SBNO2: variants seen among roughly 807,000 people sequenced by gnomAD.
SBNO2 encodes protein strawberry notch homolog 2.
In SBNO2, 89 loss-of-function variants were observed where a neutral mutation model predicts 146.3. That is an observed-to-expected ratio of 0.61 (90% CI 0.51 to 0.73). The LOEUF (loss-of-function observed/expected upper bound fraction) is 0.73. Ranked by LOEUF, SBNO2 falls within the 30% of genes least tolerant of loss-of-function variation. The probability of loss-of-function intolerance (pLI) is 0.00; values close to 1 mark genes in which losing one functional copy is unlikely to be tolerated. For synonymous variants in SBNO2, 1,147 were observed against 892.6 expected, an observed-to-expected ratio of 1.29 and a Z score of -5.08; for missense variants, 2,092 against 2,003.7, an observed-to-expected ratio of 1.04 and a Z score of -0.84.
chr19:1,129,750 C>A (rs371154354), intron 4 of SBNO2, among the ~76,000 whole-genome samples: 5 of 152,182 alleles, frequency 3.3e-5, no homozygotes, highest in Non-Finnish European at 7.4e-5. Flanking sequence ...GAGTTGCTAT[C>A]GGGCCCAGAA....
chr19:1,121,017 G>A (rs760461531), intron 11 of SBNO2, among the ~76,000 whole-genome samples: 2 of 152,014 alleles, frequency 1.3e-5, no homozygotes, highest in Non-Finnish European at 2.9e-5. Context: ...TCAGCCTCCC[G>A]GGTAGCTGGG....
rs542176105 is a variant in SBNO2, at chr19:1,125,808, A to G, written c.442-1786T>C. Among the ~76,000 whole-genome samples the G allele has an allele frequency of 7.6e-4, 116 of 152,210 alleles. 1 individual carries two copies. The highest frequency in any genetic ancestry group is 1.6e-3 in the Non-Finnish European group (108 of 68,036). ...CCAGGGTTCCAGACCAGCCTGGACA[A>G]CATGATAAAATCCTATCTCTACAAA... On this transcript the variant is annotated intron_variant, in intron 5 of 31. Transcript: ENST00000361757.
In SBNO2 at chr19:1,123,040, T is replaced by C. The variant is rs2079922312; in HGVS notation, c.634A>G (p.Ile212Val). The change falls in exon 8 of 32, where the codon ATC (isoleucine) becomes GTC (valine). Residue 212 changes from isoleucine to valine, a missense_variant. Coordinates refer to ENST00000361757, the MANE Select transcript of SBNO2 (RefSeq NM_014963.3). ...YADYVPSKSK[I>V]GKQHPDRVVE... is the part of the protein sequence containing the mutation. Reference sequence around the variant, plus strand: ...ACGCGGTCTGGGTGCTGCTTCCCGATCTTGGCTGGAGGAGCAAGGACGGAG... The same window carrying C: ...ACGCGGTCTGGGTGCTGCTTCCCGACCTTGGCTGGAGGAGCAAGGACGGAG... 6.3e-7 allele frequency: 1 copy of C among 1,592,878 alleles called. No homozygotes were observed. Among genetic ancestry groups the C allele is most frequent in the Non-Finnish European group, 8.5e-7 (1 of 1,170,220 alleles).
chr19:1,142,444 A>T (rs2080150102), intron 4 of SBNO2, among the ~76,000 whole-genome samples: 1 of 152,240 alleles, frequency 6.6e-6, no homozygotes, highest in South Asian at 2.1e-4. Flanking sequence ...GTGTATCAAT[A>T]GTTACCAGGC....
chr19:1,156,055 G>A (rs1224283440), intron 1 of SBNO2, among the ~76,000 whole-genome samples: 1 of 152,146 alleles, frequency 6.6e-6, no homozygotes, highest in African/African-American at 2.4e-5. Flanking sequence ...TTGGGGAGGG[G>A]GCACCTTGGG....
rs971962909 is a variant in SBNO2, at chr19:1,140,580, T to C, written c.279+6729A>G. On this transcript the variant is annotated intron_variant, in intron 4 of 31. Transcript: ENST00000361757. This position sits in a 1 kb window ranked among gnomAD's most constrained non-coding sequence, Gnocchi z 4.4. ...ACGGTGGATGCCAGCAGCGGCATCC[T>C]GGCGCAGCGTGAGCCCCAGGGGTGG... 2.4e-4 allele frequency among the ~76,000 whole-genome samples: 35 copies of C among 145,426 alleles called. No homozygotes were observed. Among genetic ancestry groups the C allele is most frequent in the African/African-American group, 8.6e-4 (34 of 39,478 alleles).
chr19:1,149,534 G>A, intron 2 of SBNO2, 92 bp from the exon 3 acceptor site: 2 of 1,192,672 alleles, frequency 1.7e-6, no homozygotes, highest in Non-Finnish European at 1.2e-6. Flanking sequence ...AGGCCGAGAG[G>A]CTAGGGAGGC....
intron 11 of SBNO2, among the ~76,000 whole-genome samples, chr19:1,121,298 G>C (rs995886785): frequency 6.6e-6 from 1 of 152,230 alleles, no homozygotes; most frequent in African/African-American, 2.4e-5. Context: ...CCACGTAGCA[G>C]CTCAGCGAGG....
rs2079827909 is a variant in SBNO2 at position 1,116,007 on chromosome 19, G to A, written c.1885+14C>T. 6.2e-6 allele frequency: 10 copies of A among 1,603,838 alleles called. No homozygotes were observed. Among genetic ancestry groups the A allele is most frequent in the Non-Finnish European group, 8.5e-6 (10 of 1,176,572 alleles). On this transcript the variant is annotated intron_variant, in intron 17 of 31. Coordinates refer to ENST00000361757, the MANE Select transcript of SBNO2 (RefSeq NM_014963.3). ...GGGGCAGGGGTGGGTGGGGCCATGG[G>A]GGGCAGGGCTTACGTTTCCGCTTGC...
chr19:1,126,698 C>A lies in SBNO2; in HGVS notation c.441+906G>T, dbSNP rs914143670. ...AGAGCGGCCTATGGGTGTGAGCCCA[C>A]CACTGTGCCGGGAGCGTGCGGAGGC... On this transcript the variant is annotated intron_variant, in intron 5 of 31. Transcript: ENST00000361757. The surrounding 1 kb of genome is among the most constrained non-coding windows in gnomAD (Gnocchi z 4.4). Among the ~76,000 whole-genome samples, 1 of 152,220 alleles carries A rather than the reference C, an allele frequency of 6.6e-6. No homozygotes were observed. The highest frequency in any genetic ancestry group is 2.1e-4 in the South Asian group (1 of 4,836).
intron 1 of SBNO2, among the ~76,000 whole-genome samples, chr19:1,164,644 G>A (rs1361613968): frequency 1.5e-5 from 2 of 129,360 alleles, no homozygotes; most frequent in Non-Finnish European, 3.4e-5. Flanking sequence ...AGGAGGAGGA[G>A]GAACAGGAGG....
At position 1,112,028 on chromosome 19, in the gene SBNO2, G is replaced by C. The variant is rs780991401; in HGVS notation, c.2668C>G (p.Arg890Gly). Residue 890 changes from arginine to glycine, a missense_variant, in exon 23 of 32, where the codon CGT becomes GGT. By Grantham distance (125) the Arg-to-Gly change is moderately radical. Transcript: ENST00000361757. This position sits in a 1 kb window ranked among gnomAD's most constrained non-coding sequence, Gnocchi z 5.9. ...THGDRRATES[R>G]DLSKYNFENK... ...TCAAAGTTGTACTTGCTGAGGTCAC[G>C]GGACTCCGTGGCGCGGCGGTCTCCG... 3.1e-6 allele frequency: 5 copies of C among 1,611,578 alleles called. No homozygotes were observed. The highest frequency in any genetic ancestry group is 4.2e-6 in the Non-Finnish European group (5 of 1,179,390).
At chr19:1,151,440 T>C (rs2145308745) in intron 2 of SBNO2, among the ~76,000 whole-genome samples, 1 of 152,244 alleles carries the variant, frequency 6.6e-6, no homozygotes, top group East Asian at 1.9e-4. Flanking sequence ...GTCTCCTCCC[T>C]CCCACAGCCC....
chr19:1,108,641 T>G lies in SBNO2; in HGVS notation c.3680A>C (p.Asp1227Ala). The change falls in exon 32 of 32, where the codon GAC becomes GCC. Residue 1227 changes from aspartate to alanine, a missense_variant. By Grantham distance (126) the Asp-to-Ala change is moderately radical (BLOSUM62 -2). Coordinates refer to ENST00000361757, the MANE Select transcript of SBNO2 (RefSeq NM_014963.3). The part of the protein sequence containing the change: ...VLQELRLMDA[D>A]VKRRQAPALG... Reference sequence around the variant, plus strand: ...GGCGGGCGCCTGCCTGCGCTTCACGTCCGCATCCATCAGCCGCAGCTCCTG... The same window carrying G: ...GGCGGGCGCCTGCCTGCGCTTCACGGCCGCATCCATCAGCCGCAGCTCCTG... 1 of 1,507,772 alleles carries G rather than the reference T, an allele frequency of 6.6e-7. No homozygotes were observed. Among genetic ancestry groups the G allele is most frequent in the Non-Finnish European group, 8.8e-7 (1 of 1,135,718 alleles). 93.4% of individuals were successfully genotyped at this position (1,507,772 alleles called of 1,614,324 possible). A position where few individuals can be genotyped will look rare whatever the true frequency, so the allele number is the denominator to read the frequency against.
In SBNO2 at chr19:1,126,697, A is replaced by C. The variant is rs1429910967; in HGVS notation, c.441+907T>G. Reference sequence around the variant, plus strand: ...GAGAGCGGCCTATGGGTGTGAGCCCACCACTGTGCCGGGAGCGTGCGGAGG... The same window carrying C: ...GAGAGCGGCCTATGGGTGTGAGCCCCCCACTGTGCCGGGAGCGTGCGGAGG... On this transcript the variant is annotated intron_variant, in intron 5 of 31. Transcript: ENST00000361757. The surrounding 1 kb of genome is among the most constrained non-coding windows in gnomAD (Gnocchi z 4.4). Among the ~76,000 whole-genome samples, 1 of 152,168 alleles carries C rather than the reference A, an allele frequency of 6.6e-6. No individual in the cohort carries two copies. The highest frequency in any genetic ancestry group is 2.4e-5 in the African/African-American group (1 of 41,444).
At chr19:1,133,711 A>C (rs2080057867) in intron 4 of SBNO2, among the ~76,000 whole-genome samples, 1 of 151,816 alleles carries the variant, frequency 6.6e-6, no homozygotes, top group South Asian at 2.1e-4. Flanking sequence ...GCAGCCAATC[A>C]CAGCCACCGC....
At chr19:1,123,702 C>T in intron 6 of SBNO2, 63 bp from the exon 7 acceptor site, 2 of 1,483,512 alleles carry the variant, frequency 1.3e-6, no homozygotes, top group South Asian at 1.2e-5. Flanking sequence ...CACTGGGCTC[C>T]CCCAGGGGCA....
At chr19:1,153,816 G>T (rs2080263908) in intron 2 of SBNO2, among the ~76,000 whole-genome samples, 1 of 152,222 alleles carries the variant, frequency 6.6e-6, no homozygotes. Flanking sequence ...GGGATTACAA[G>T]CACGAGCCAC....
chr19:1,147,431 A>ACGGG lies in SBNO2; in HGVS notation c.168-12_168-11insCCCG, dbSNP rs778909029. 1.7e-4 allele frequency: 100 copies of ACGGG among 591,808 alleles called. No homozygotes were observed. The highest frequency in any genetic ancestry group is 5.0e-4 in the Middle Eastern group (1 of 2,012). 36.7% of individuals were successfully genotyped at this position (591,808 alleles called of 1,614,324 possible). A position where few individuals can be genotyped will look rare whatever the true frequency, so the allele number is the denominator to read the frequency against. ...GAGCTCATGAACGGGCTGGAGGGAG[A>ACGGG]TGGGGGGGGGGGAGGTGAGATGGGG... On this transcript the variant is annotated splice_polypyrimidine_tract_variant and intron_variant, in intron 3 of 31. Transcript: ENST00000361757.
Sources: gnomAD v4.1 joint callset for allele counts (sites outside exome capture counted in the v4.1 genomes callset) on GRCh38, gnomAD v4.1.1 for gene constraint, Gnocchi (gnomAD v3.1) non-coding constraint, MANE v1.5 for transcripts, NCBI Gene and HGNC (gene_info 2026-07-23, HGNC 2026-07-21) for gene names.